Variants in EDA observed in about 807,000 individuals in gnomAD.
EDA encodes ectodysplasin-A.
A neutral mutation model predicts 23.6 loss-of-function variants in EDA; 2 were observed. That is an observed-to-expected ratio of 0.08 (90% CI 0.03 to 0.27). The LOEUF is 0.27. Ranked by LOEUF, EDA falls within the 10% of genes least tolerant of loss-of-function variation. EDA has a pLI of 1.00. For missense variants in EDA, 229 were observed against 324.2 expected (o/e 0.71, Z 2.26); for synonymous variants, 131 against 132.0 (o/e 0.99, Z 0.05).
chrX:69,732,948 TTTGA>T (rs1361384239), intron 1 of EDA, among the ~76,000 whole-genome samples: 1 of 110,522 alleles, frequency 9.0e-6, no homozygotes, highest in Non-Finnish European at 1.9e-5. Context: ...GATGGGGTTG[TTTGA>T]TTTTTTCTTG....
intron 1 of EDA, among the ~76,000 whole-genome samples, chrX:69,896,067 G>T (rs1321107653): frequency 9.0e-6 from 1 of 111,141 alleles, no homozygotes; most frequent in Non-Finnish European, 1.9e-5. Context: ...TTTCTTCTGA[G>T]GTCTCTCTCC....
At chrX:69,751,840 A>C (rs1464194934) in intron 1 of EDA, among the ~76,000 whole-genome samples, 1 of 99,207 alleles carries the variant, frequency 1.0e-5, no homozygotes, top group Non-Finnish European at 2.1e-5. Context: ...CTGTTATAGG[A>C]ATTCTGTTAT....
intron 1 of EDA, among the ~76,000 whole-genome samples, chrX:69,757,728 G>A (rs948085686): frequency 1.1e-4 from 12 of 111,823 alleles, no homozygotes; most frequent in Non-Finnish European, 1.5e-4. Context: ...GTGTCAAGAC[G>A]TCATTTTAAT....
intron 1 of EDA, among the ~76,000 whole-genome samples, chrX:69,689,670 T>C (rs990428995): frequency 9.0e-6 from 1 of 111,239 alleles, no homozygotes; most frequent in Non-Finnish European, 1.9e-5. Context: ...TGGTTTTGGC[T>C]ATTCTGTGCC....
chrX:69,769,811 T>G (rs2014575925), intron 1 of EDA, among the ~76,000 whole-genome samples: 1 of 111,178 alleles, frequency 9.0e-6, no homozygotes, highest in Non-Finnish European at 1.9e-5. Context: ...TATTTTTTCC[T>G]GAAGGATGTG....
At chrX:69,627,307 CCTCT>C (rs756579323) in intron 1 of EDA, among the ~76,000 whole-genome samples, 1 of 111,187 alleles carries the variant, frequency 9.0e-6, no homozygotes, top group African/African-American at 3.3e-5. Context: ...TGCCTCCCTG[CCTCT>C]CTCTCTGCTT....
chrX:70,020,916 G>T (rs995068317), intron 2 of EDA, among the ~76,000 whole-genome samples: 1 of 112,263 alleles, frequency 8.9e-6, no homozygotes, highest in African/African-American at 3.2e-5. Context: ...TTATTTGGGG[G>T]TGCTTTAATA....
chrX:69,854,899 T>C (rs2017212133), intron 1 of EDA, among the ~76,000 whole-genome samples: 2 of 112,592 alleles, frequency 1.8e-5, no homozygotes, highest in South Asian at 3.7e-4. Flanking sequence ...TCCACAGTGG[T>C]TGAACTAATT....
At chrX:69,720,899 T>A (rs1291195899) in intron 1 of EDA, among the ~76,000 whole-genome samples, 1 of 112,191 alleles carries the variant, frequency 8.9e-6, no homozygotes, top group Admixed American at 9.5e-5. Flanking sequence ...TGTTATTGTC[T>A]TGTTTCTTGG....
intron 1 of EDA, among the ~76,000 whole-genome samples, chrX:69,737,632 G>A (rs888570899): frequency 1.1e-4 from 12 of 112,142 alleles, no homozygotes; most frequent in Non-Finnish European, 2.3e-4. Context: ...ATTAAAAAAT[G>A]ATTACATATC....
At chrX:69,706,844 T>G (rs1172741578) in intron 1 of EDA, among the ~76,000 whole-genome samples, 1 of 111,405 alleles carries the variant, frequency 9.0e-6, no homozygotes, top group Non-Finnish European at 1.9e-5. Flanking sequence ...ATGTTAATGC[T>G]GAAGAGGCCT....
chrX:69,629,968 A>G (rs1932511936), intron 1 of EDA, among the ~76,000 whole-genome samples: 2 of 111,311 alleles, frequency 1.8e-5, no homozygotes, highest in Admixed American at 1.9e-4. Flanking sequence ...ATACACCCCC[A>G]TCGTATATCA....
At chrX:69,681,854 G>A (rs2465970) in intron 1 of EDA, among the ~76,000 whole-genome samples, 4,941 of 111,623 alleles carry the variant, frequency 0.044, 150 homozygotes, top group East Asian at 0.16. Context: ...GCTTTGTTCC[G>A]TTGCTGGTGA....
intron 1 of EDA, among the ~76,000 whole-genome samples, chrX:69,670,044 A>G (rs1021513439): frequency 3.6e-5 from 4 of 111,501 alleles, no homozygotes; most frequent in Admixed American, 9.6e-5. Flanking sequence ...TTATGTTTCA[A>G]CTTGAAGAAC....
chrX:69,942,197 T>C (rs1569379884), intron 1 of EDA, among the ~76,000 whole-genome samples: 1 of 112,043 alleles, frequency 8.9e-6, no homozygotes, highest in African/African-American at 3.2e-5. Context: ...TCATTTAGTC[T>C]TTCTACTTAG....
rs181575408 is a variant in EDA at position 69,938,112 on chromosome X, C to T, written c.397-18915C>T. ...GAATATTTTGTCCTTTATTTATGTA[C>T]TTGTGTCACTGAGCTCTCACTCCTC... On this transcript the variant is annotated intron_variant, in intron 1 of 7. Transcript: ENST00000374552. 675 of 825,177 alleles carry T rather than the reference C, an allele frequency of 8.2e-4. 1 individual carries two copies. In the African/African-American group the frequency reaches 0.012, roughly 15 times the overall value. The allele number at this position is 825,177 out of a possible 1,213,427, so 68.0% of individuals were successfully genotyped here. A position where few individuals can be genotyped will look rare whatever the true frequency, so the allele number is the denominator to read the frequency against.
chrX:69,777,797 G>A (rs868139634), intron 1 of EDA, among the ~76,000 whole-genome samples: 1 of 111,735 alleles, frequency 8.9e-6, no homozygotes, highest in Admixed American at 9.5e-5. Context: ...TACAAATTTA[G>A]GTATAAAACA....
intron 1 of EDA, among the ~76,000 whole-genome samples, chrX:69,803,807 C>T (rs2015751360): frequency 1.8e-5 from 2 of 109,749 alleles, no homozygotes; most frequent in African/African-American, 6.6e-5. Context: ...CTCCATATCC[C>T]TCCCTTCCCC....
intron 1 of EDA, among the ~76,000 whole-genome samples, chrX:69,740,766 C>G (rs753057690): frequency 2.7e-5 from 3 of 110,221 alleles, no homozygotes; most frequent in Non-Finnish European, 3.8e-5. Context: ...CTCTAGTACT[C>G]CATTACATTT....
Sources: gnomAD v4.1 joint callset for allele counts (sites outside exome capture counted in the v4.1 genomes callset) on GRCh38, gnomAD v4.1.1 for gene constraint, MANE v1.5 for transcripts, NCBI Gene and HGNC (gene_info 2026-07-23, HGNC 2026-07-21) for gene names.